The following SLC13A1 variants were observed in gnomAD, a reference collection of about 807,000 sequenced individuals.
SLC13A1 encodes the protein Na(+)/sulfate cotransporter.
In SLC13A1, 65 loss-of-function variants were observed where a neutral mutation model predicts 70.0. The ratio of observed to expected loss-of-function variants is 0.93; its 90% confidence interval spans 0.76 to 1.14. The LOEUF (loss-of-function observed/expected upper bound fraction) is 1.14. SLC13A1 is among the 50% of genes most tolerant of loss of function. The pLI is 0.00. For missense variants in SLC13A1, 726 were observed against 717.8 expected, an observed-to-expected ratio of 1.01 and a Z score of -0.13; for synonymous variants, 275 against 250.5, an observed-to-expected ratio of 1.10 and a Z score of -0.92.
At chr7:123,134,303 C>A in intron 8 of SLC13A1, 107 bp downstream of exon 8, 1 of 1,019,034 alleles carries the variant, frequency 9.8e-7, no homozygotes. Flanking sequence ...AACAAAAATG[C>A]AGAAAGGTAG....
intron 12 of SLC13A1, among the ~76,000 whole-genome samples, chr7:123,121,377 C>T (rs887360692): frequency 1.3e-5 from 2 of 152,060 alleles, no homozygotes; most frequent in African/African-American, 4.8e-5. Flanking sequence ...TTCATTTTGC[C>T]AGCCTATATG....
chr7:123,127,634 A>C (rs1335542354), intron 10 of SLC13A1, among the ~76,000 whole-genome samples: 1 of 152,060 alleles, frequency 6.6e-6, no homozygotes, highest in Non-Finnish European at 1.5e-5. Flanking sequence ...AAAGTTTATA[A>C]AAATGAAGCT....
chr7:123,168,048 A>T (rs1441185437), intron 6 of SLC13A1, among the ~76,000 whole-genome samples: 1 of 152,160 alleles, frequency 6.6e-6, no homozygotes, highest in East Asian at 1.9e-4. Context: ...AACTAAAATA[A>T]AAGTTAAAAA....
At chr7:123,165,356 A>G (rs1795035352) in intron 6 of SLC13A1, among the ~76,000 whole-genome samples, 1 of 152,126 alleles carries the variant, frequency 6.6e-6, no homozygotes, top group Non-Finnish European at 1.5e-5. Context: ...TTCCTTTCCT[A>G]AACTCAGATA....
chr7:123,163,976 G>A (rs1343731846), intron 6 of SLC13A1, among the ~76,000 whole-genome samples: 1 of 151,924 alleles, frequency 6.6e-6, no homozygotes, highest in African/African-American at 2.4e-5. Context: ...GTACTAGATG[G>A]ACAAAAATCT....
chr7:123,179,557 G>T (rs1028395765), intron 2 of SLC13A1, among the ~76,000 whole-genome samples: 1 of 152,078 alleles, frequency 6.6e-6, no homozygotes, highest in African/African-American at 2.4e-5. Flanking sequence ...CTACAATTTT[G>T]CTGCCTTTAG....
chr7:123,123,011 T>A (rs1793435972), intron 12 of SLC13A1, 115 bp downstream of exon 12: 2 of 792,310 alleles, frequency 2.5e-6, no homozygotes, highest in Admixed American at 2.0e-5. Context: ...GCTAGCAAAA[T>A]TTGCAACATT....
chr7:123,128,775 C>A, intron 10 of SLC13A1, 70 bp downstream of exon 10: 1 of 930,734 alleles, frequency 1.1e-6, no homozygotes, highest in South Asian at 1.5e-5. Context: ...TTCAGAATTA[C>A]AGGAACCACA....
At chr7:123,170,432 G>GA in intron 3 of SLC13A1, among the ~76,000 whole-genome samples, 1 of 152,302 alleles carries the variant, frequency 6.6e-6, no homozygotes, top group East Asian at 1.9e-4. Context: ...TCTGGATGGT[G>GA]AAAATGCCTT....
At chr7:123,153,214 T>A (rs547769393) in intron 6 of SLC13A1, among the ~76,000 whole-genome samples, 4 of 152,122 alleles carry the variant, frequency 2.6e-5, no homozygotes, top group Non-Finnish European at 5.9e-5. Context: ...TTATGCCTTA[T>A]GAATTAACCA....
intron 12 of SLC13A1, 67 bp from the exon 13 acceptor site, chr7:123,119,309 C>A: frequency 9.8e-7 from 1 of 1,018,080 alleles, no homozygotes; most frequent in African/African-American, 1.7e-5. Context: ...CAATAAAATC[C>A]ATAAAAAAAC....
intron 3 of SLC13A1, among the ~76,000 whole-genome samples, chr7:123,171,498 C>G (rs1450345468): frequency 6.6e-6 from 1 of 152,180 alleles, no homozygotes; most frequent in Non-Finnish European, 1.5e-5. Context: ...CTTCTCTCAG[C>G]TTTGACTTCT....
At chr7:123,161,058 A>T (rs1047230552) in intron 6 of SLC13A1, among the ~76,000 whole-genome samples, 3 of 151,818 alleles carry the variant, frequency 2.0e-5, no homozygotes, top group Admixed American at 2.0e-4. Flanking sequence ...AAAGAAAACT[A>T]TTAAAAATAA....
intron 2 of SLC13A1, among the ~76,000 whole-genome samples, chr7:123,180,192 A>G (rs1232034844): frequency 6.6e-6 from 1 of 152,084 alleles, no homozygotes; most frequent in Non-Finnish European, 1.5e-5. Context: ...GTGAAAATAA[A>G]GAAGGGAACC....
chr7:123,176,626 T>TA (rs1282396111), intron 2 of SLC13A1, among the ~76,000 whole-genome samples: 1 of 152,202 alleles, frequency 6.6e-6, no homozygotes, highest in Non-Finnish European at 1.5e-5. Flanking sequence ...TAATATTTTT[T>TA]AAAAGGTGCT....
chr7:123,170,790 G>A lies in SLC13A1; in HGVS notation c.365+978C>T, dbSNP rs190328754. Among the ~76,000 whole-genome samples the A allele has an allele frequency of 3.6e-3, 553 of 152,004 alleles. 4 individuals carry two copies. The highest frequency in any genetic ancestry group is 0.012 in the African/African-American group (505 of 41,484). ...ATTACAGGTGCCTGTCACCATACCCGGCTAAACTTGAACTCCCCACCTCAG... is the reference window on the plus strand; with the variant it reads ...ATTACAGGTGCCTGTCACCATACCCAGCTAAACTTGAACTCCCCACCTCAG... On this transcript the variant is annotated intron_variant, in intron 3 of 14. Transcript: ENST00000194130.
intron 3 of SLC13A1, among the ~76,000 whole-genome samples, chr7:123,170,762 G>C (rs1467429672): frequency 6.6e-6 from 1 of 152,010 alleles, no homozygotes; most frequent in African/African-American, 2.4e-5. Context: ...CCGAGTAGCT[G>C]GGATTACAGG....
At chr7:123,136,809 G>C (rs1023524717) in intron 7 of SLC13A1, among the ~76,000 whole-genome samples, 1 of 152,156 alleles carries the variant, frequency 6.6e-6, no homozygotes, top group Non-Finnish European at 1.5e-5. Flanking sequence ...AATGCCATCA[G>C]AGAAGGTAAC....
intron 6 of SLC13A1, among the ~76,000 whole-genome samples, chr7:123,153,215 G>A (rs1794611804): frequency 6.6e-6 from 1 of 151,980 alleles, no homozygotes. Flanking sequence ...TATGCCTTAT[G>A]AATTAACCAC....
Sources: gnomAD v4.1 joint callset for allele counts (sites outside exome capture counted in the v4.1 genomes callset) on GRCh38, gnomAD v4.1.1 for gene constraint, MANE v1.5 for transcripts, NCBI Gene and HGNC (gene_info 2026-07-23, HGNC 2026-07-21) for gene names.